The following RELN variants were observed in gnomAD, a reference collection of about 807,000 sequenced individuals.
RELN encodes the protein reelin.
In RELN, 108 loss-of-function variants were observed where a neutral mutation model predicts 427.6. That is an observed-to-expected ratio of 0.25 (90% CI 0.22 to 0.30). The LOEUF (loss-of-function observed/expected upper bound fraction) is 0.30. RELN is among the 10% of genes least tolerant of loss of function. RELN has a pLI of 1.00. For missense variants in RELN, 3,715 were observed against 4,302.8 expected (o/e 0.86, Z 3.82); for synonymous variants, 1,524 against 1,513.4 (o/e 1.01, Z -0.16).
chr7:103,949,734 T>C (rs940374421), intron 1 of RELN, among the ~76,000 whole-genome samples: 1 of 152,174 alleles, frequency 6.6e-6, no homozygotes, highest in Non-Finnish European at 1.5e-5. Flanking sequence ...ACCCTTCCTT[T>C]CATAATTGGT....
rs753689494 is a variant in RELN at position 103,700,895 on chromosome 7, T to C, written c.902+15A>G. 1 of 1,496,028 alleles carries C rather than the reference T, an allele frequency of 6.7e-7. No homozygotes were observed. Among genetic ancestry groups the C allele is most frequent in the African/African-American group, 1.4e-5 (1 of 72,606 alleles). The allele number at this position is 1,496,028 out of a possible 1,614,324, so 92.7% of individuals were successfully genotyped here. Reference sequence around the variant, plus strand: ...TATGTCAGAATTTATGAAAATACTTTAAATTACAACAAACCTAATTTTCTC... The same window carrying C: ...TATGTCAGAATTTATGAAAATACTTCAAATTACAACAAACCTAATTTTCTC... On this transcript the variant is annotated intron_variant, in intron 9 of 64. Coordinates refer to ENST00000428762, the MANE Select transcript of RELN (RefSeq NM_005045.4).
At chr7:103,837,614 C>G (rs905060007) in intron 2 of RELN, among the ~76,000 whole-genome samples, 3 of 152,172 alleles carry the variant, frequency 2.0e-5, no homozygotes, top group African/African-American at 7.2e-5. Flanking sequence ...TATGCTAGGC[C>G]TAATGATACA....
chr7:103,835,997 C>T (rs2116416266), intron 2 of RELN, among the ~76,000 whole-genome samples: 1 of 150,920 alleles, frequency 6.6e-6, no homozygotes, highest in African/African-American at 2.4e-5. Flanking sequence ...ACTCCGTCAC[C>T]CAGGCTAGAG....
intron 8 of RELN, among the ~76,000 whole-genome samples, chr7:103,707,452 G>T (rs2115829018): frequency 6.6e-6 from 1 of 151,566 alleles, no homozygotes; most frequent in African/African-American, 2.4e-5. Flanking sequence ...ATTCATATTT[G>T]CTTCCTAAAT....
chr7:103,550,806 G>A (rs953895512), intron 41 of RELN, among the ~76,000 whole-genome samples: 1 of 152,084 alleles, frequency 6.6e-6, no homozygotes, highest in South Asian at 2.1e-4. Context: ...TGTTCTAATT[G>A]ATCTAACAGA....
intron 2 of RELN, among the ~76,000 whole-genome samples, chr7:103,882,878 T>C (rs145445534): frequency 7.2e-4 from 110 of 152,256 alleles, no homozygotes; most frequent in African/African-American, 2.6e-3. Flanking sequence ...GCTGGTACCA[T>C]TCCTTCTAAA....
chr7:103,743,908 C>T (rs1374590763), intron 6 of RELN, among the ~76,000 whole-genome samples: 3 of 152,138 alleles, frequency 2.0e-5, no homozygotes, highest in Non-Finnish European at 4.4e-5. Flanking sequence ...ATGCACCAAG[C>T]AGACCTAATA....
At chr7:103,771,975 C>T (rs1436236823) in intron 4 of RELN, among the ~76,000 whole-genome samples, 1 of 152,180 alleles carries the variant, frequency 6.6e-6, no homozygotes, top group Non-Finnish European at 1.5e-5. Context: ...TATCACTCTC[C>T]TGCTTCCTTC....
intron 1 of RELN, among the ~76,000 whole-genome samples, chr7:103,937,044 T>C (rs975374669): frequency 4.6e-5 from 7 of 152,364 alleles, no homozygotes; most frequent in Middle Eastern, 6.8e-3. Flanking sequence ...AATATCTTTT[T>C]CATCTTTATT....
chr7:103,561,940 G>A lies in RELN; in HGVS notation c.5224C>T (p.Arg1742Trp), dbSNP rs771039313. The change falls in exon 35 of 65, where the codon CGG (arginine) becomes TGG (tryptophan). Residue 1742 changes from arginine (R) to tryptophan (W), a missense_variant. Around this residue, in one of 4 missense-constraint regions of RELN, gnomAD observed 2,208 missense variants for 2,361.7 expected, o/e 0.93. Transcript: ENST00000428762. ...LPLSTISPRT[R>W]FRWIQANYTV... ...TAGTTGGCCTGAATCCATCTGAACC[G>A]GGTCCTGGGAGAACTAACCAAAAAA... The A allele has an allele frequency of 6.3e-6, 10 of 1,594,208 alleles. No homozygotes were observed. Among genetic ancestry groups the A allele is most frequent in the South Asian group, 2.2e-5 (2 of 89,804 alleles).
At chr7:103,681,964 G>A in intron 11 of RELN, 152 bp downstream of exon 11, 1 of 762,446 alleles carries the variant, frequency 1.3e-6, no homozygotes. Flanking sequence ...AGAATCTTTA[G>A]GGTAAGTGCA....
At chr7:103,483,627 C>T (rs200069184) in intron 62 of RELN, 26 bp downstream of exon 62, 16 of 1,608,936 alleles carry the variant, frequency 9.9e-6, no homozygotes, top group Admixed American at 1.7e-5. Flanking sequence ...TGCATGAGAC[C>T]ATGCCTTTCC....
intron 19 of RELN, among the ~76,000 whole-genome samples, chr7:103,633,618 T>A (rs777290184): frequency 4.8e-4 from 73 of 152,064 alleles, no homozygotes; most frequent in Non-Finnish European, 3.8e-4. Flanking sequence ...AGAAGAAAAA[T>A]GTTGCTGTCA....
rs1036681376 is a variant in RELN, at chr7:103,573,001, C to T, written c.4512-741G>A. On this transcript the variant is annotated intron_variant, in intron 30 of 64. Transcript: ENST00000428762. The surrounding 1 kb of genome is among the most constrained non-coding windows in gnomAD (Gnocchi z 4.4). ...TTGCCCAGGCTGGAGTGCAGTGGCG[C>T]GATCTTGACTCACTTCAACCTCTGC... is the stretch of plus-strand genomic sequence containing the variant. Among the ~76,000 whole-genome samples, 4 of 152,036 alleles carry T rather than the reference C, an allele frequency of 2.6e-5. No individual in the cohort carries two copies. The highest frequency in any genetic ancestry group is 2.0e-4 in the East Asian group (1 of 5,126).
intron 25 of RELN, 31 bp from the exon 26 acceptor site, chr7:103,594,523 A>T: frequency 6.2e-7 from 1 of 1,607,716 alleles, no homozygotes; most frequent in Non-Finnish European, 8.5e-7. Flanking sequence ...TACGGTTGGG[A>T]AAACAAAAGC....
intron 2 of RELN, among the ~76,000 whole-genome samples, chr7:103,881,238 A>T (rs559201717): frequency 7.9e-5 from 12 of 152,150 alleles, no homozygotes; most frequent in Non-Finnish European, 1.3e-4. Context: ...AAATGTAATG[A>T]ACACTTTCCA....
At chr7:103,900,495 T>A (rs985755427) in intron 2 of RELN, among the ~76,000 whole-genome samples, 1 of 151,942 alleles carries the variant, frequency 6.6e-6, no homozygotes, top group Admixed American at 6.6e-5. Context: ...GCCAAGACAA[T>A]CCTGGGCAAG....
chr7:103,883,685 T>C (rs565859413), intron 2 of RELN, among the ~76,000 whole-genome samples: 16 of 152,256 alleles, frequency 1.1e-4, no homozygotes, highest in Middle Eastern at 3.4e-3. Flanking sequence ...CATTCACAAT[T>C]GCTACAAAGG....
intron 52 of RELN, among the ~76,000 whole-genome samples, chr7:103,502,268 A>G (rs1584239909): frequency 7.3e-6 from 1 of 136,642 alleles, no homozygotes; most frequent in African/African-American, 2.6e-5. Flanking sequence ...AGTGGTAATA[A>G]TAATAATAAT....
Sources: gnomAD v4.1 joint callset for allele counts (sites outside exome capture counted in the v4.1 genomes callset) on GRCh38, gnomAD v4.1.1 for gene constraint, gnomAD v4.1.1 regional missense constraint, Gnocchi (gnomAD v3.1) non-coding constraint, MANE v1.5 for transcripts, NCBI Gene and HGNC (gene_info 2026-07-23, HGNC 2026-07-21) for gene names.